The following NEGR1 variants were observed in gnomAD, a reference collection of about 807,000 sequenced individuals.
NEGR1 encodes the protein IgLON family member 4.
A neutral mutation model predicts 40.9 loss-of-function variants in NEGR1; 10 were observed. The ratio of observed to expected loss-of-function variants is 0.24; its 90% CI spans 0.15 to 0.42. The LOEUF (loss-of-function observed/expected upper bound fraction) is 0.42. Ranked by LOEUF, NEGR1 falls within the 10% of genes least tolerant of loss-of-function variation. NEGR1 has a pLI of 1.00. For missense variants in NEGR1, 352 were observed against 438.9 expected (o/e 0.80, Z 1.77); for synonymous variants, 185 against 166.8 (o/e 1.11, Z -0.84).
intron 2 of NEGR1, among the ~76,000 whole-genome samples, chr1:71,928,328 A>G (rs1411084728): frequency 1.9e-4 from 24 of 126,178 alleles, no homozygotes; most frequent in African/African-American, 3.7e-4. Context: ...ATATACGTAT[A>G]TATGTATATA....
intron 1 of NEGR1, among the ~76,000 whole-genome samples, chr1:72,131,617 T>C (rs1364841790): frequency 6.6e-6 from 1 of 152,208 alleles, no homozygotes; most frequent in Non-Finnish European, 1.5e-5. Flanking sequence ...TAGTCTGTTA[T>C]TCTCAGAGAA....
chr1:71,744,112 A>G (rs1034167359), intron 3 of NEGR1, among the ~76,000 whole-genome samples: 1 of 152,068 alleles, frequency 6.6e-6, no homozygotes, highest in African/African-American at 2.4e-5. Context: ...GCTTAAGCAG[A>G]TGACATTTGA....
intron 3 of NEGR1, among the ~76,000 whole-genome samples, chr1:71,769,400 C>T (rs1171099569): frequency 1.3e-5 from 2 of 152,084 alleles, no homozygotes; most frequent in East Asian, 3.9e-4. Context: ...GTTACAAATT[C>T]TATCTGGTTA....
chr1:72,045,740 T>C (rs963355070), intron 1 of NEGR1, among the ~76,000 whole-genome samples: 12 of 151,822 alleles, frequency 7.9e-5, no homozygotes, highest in Non-Finnish European at 2.9e-5. Flanking sequence ...TACATCCACA[T>C]TTCATGTTTC....
At chr1:72,205,756 C>CAAAAAA (rs35490878) in intron 1 of NEGR1, among the ~76,000 whole-genome samples, 2 of 30,886 alleles carry the variant, frequency 6.5e-5, no homozygotes, top group Non-Finnish European at 1.3e-4. Flanking sequence ...CCCATTTCTA[C>CAAAAAA]AAAAAAAAAA....
At chr1:72,229,486 T>C (rs539178526) in intron 1 of NEGR1, among the ~76,000 whole-genome samples, 1 of 149,462 alleles carries the variant, frequency 6.7e-6, no homozygotes, top group Non-Finnish European at 1.5e-5. Flanking sequence ...TAATCTAATT[T>C]AAATATTTAT....
intron 6 of NEGR1, among the ~76,000 whole-genome samples, chr1:71,531,242 G>T (rs1019487272): frequency 1.3e-5 from 2 of 151,224 alleles, no homozygotes; most frequent in African/African-American, 4.8e-5. Context: ...GATGCCACTA[G>T]GTACCACTTC....
chr1:71,716,559 A>C (rs756943370), intron 3 of NEGR1, among the ~76,000 whole-genome samples: 1 of 152,124 alleles, frequency 6.6e-6, no homozygotes, highest in Non-Finnish European at 1.5e-5. Flanking sequence ...TGTCTATGGT[A>C]TTTTTATTTG....
intron 2 of NEGR1, among the ~76,000 whole-genome samples, chr1:71,872,499 A>T (rs1411805198): frequency 6.6e-6 from 1 of 152,054 alleles, no homozygotes; most frequent in Non-Finnish European, 1.5e-5. Flanking sequence ...TTAGGTGGAG[A>T]GCTTCTAAAG....
At chr1:72,244,290 C>A (rs766918487) in intron 1 of NEGR1, among the ~76,000 whole-genome samples, 2 of 151,688 alleles carry the variant, frequency 1.3e-5, no homozygotes, top group Non-Finnish European at 1.5e-5. Context: ...GGTCAACTAT[C>A]GAAGAAATTA....
At chr1:71,818,992 G>T (rs1658326434) in intron 2 of NEGR1, among the ~76,000 whole-genome samples, 1 of 151,934 alleles carries the variant, frequency 6.6e-6, no homozygotes, top group South Asian at 2.1e-4. Context: ...TTAGGTATAG[G>T]CAATTGAAAG....
chr1:71,693,055 T>A (rs1452476274), intron 4 of NEGR1, among the ~76,000 whole-genome samples: 2 of 151,736 alleles, frequency 1.3e-5, no homozygotes, highest in African/African-American at 4.8e-5. Context: ...CTCTTTTTAC[T>A]CACATCTGTT....
At chr1:71,428,664 A>C (rs1646445244) in intron 6 of NEGR1, among the ~76,000 whole-genome samples, 1 of 148,976 alleles carries the variant, frequency 6.7e-6, no homozygotes, top group Admixed American at 6.7e-5. Context: ...ATTTTTTATT[A>C]TAATAAATAA....
chr1:71,850,437 G>A (rs1332720231), intron 2 of NEGR1, among the ~76,000 whole-genome samples: 2 of 152,022 alleles, frequency 1.3e-5, no homozygotes, highest in African/African-American at 4.8e-5. Context: ...ATTACAGCAC[G>A]AGCCACCACG....
chr1:71,928,080 ATATG>A (rs1484441521), intron 2 of NEGR1, among the ~76,000 whole-genome samples: 2 of 128,962 alleles, frequency 1.6e-5, no homozygotes, highest in Non-Finnish European at 1.7e-5. Flanking sequence ...ATATGTACAT[ATATG>A]TATATATACA....
intron 1 of NEGR1, among the ~76,000 whole-genome samples, chr1:72,124,441 A>T (rs1162949547): frequency 6.6e-6 from 1 of 152,046 alleles, no homozygotes; most frequent in Non-Finnish European, 1.5e-5. Context: ...CAGAAAAAAT[A>T]TACAAGGCAA....
chr1:71,849,854 C>A (rs560299084), intron 2 of NEGR1, among the ~76,000 whole-genome samples: 2 of 152,066 alleles, frequency 1.3e-5, no homozygotes, highest in Admixed American at 6.6e-5. Flanking sequence ...AAGGTGTGTA[C>A]ATTTTTTTAG....
chr1:72,027,333 TGAGAAAG>T (rs1486711036), intron 1 of NEGR1, among the ~76,000 whole-genome samples: 3 of 152,132 alleles, frequency 2.0e-5, no homozygotes, highest in Non-Finnish European at 4.4e-5. Context: ...TAGCACATTT[TGAGAAAG>T]GTTTCATCTA....
rs140990094 is a variant in NEGR1, at chr1:72,207,795, C to T, written c.176+74524G>A. Among the ~76,000 whole-genome samples the T allele has an allele frequency of 7.8e-3, 1,182 of 151,730 alleles. 11 individuals carry two copies. Among genetic ancestry groups the T allele is most frequent in the African/African-American group, 0.026 (1,085 of 41,502 alleles). On this transcript the variant is annotated intron_variant, in intron 1 of 6. Transcript: ENST00000357731. ...AATTAAAATTCATGAGATTAAAAAA[C>T]GCATTTATTAGCAAGTACAACTAGT... is the stretch of plus-strand genomic sequence containing the variant.
Sources: gnomAD v4.1 joint callset for allele counts (sites outside exome capture counted in the v4.1 genomes callset) on GRCh38, gnomAD v4.1.1 for gene constraint, MANE v1.5 for transcripts, NCBI Gene and HGNC (gene_info 2026-07-23, HGNC 2026-07-21) for gene names.